UPRT: variants seen among roughly 807,000 people sequenced by gnomAD.
UPRT encodes the protein RP11-311P8.3.
In UPRT, 5 loss-of-function variants were observed where a neutral mutation model predicts 22.6. The ratio of observed to expected loss-of-function variants is 0.22; its 90% CI spans 0.12 to 0.47. UPRT has a LOEUF of 0.47. Ranked by LOEUF, UPRT falls within the 20% of genes least tolerant of loss-of-function variation. The pLI, the probability that UPRT is intolerant of heterozygous loss-of-function variation, is 0.99. For missense variants in UPRT, 181 were observed against 239.9 expected, an observed-to-expected ratio of 0.75 and a Z score of 1.62; for synonymous variants, 77 against 87.7, an observed-to-expected ratio of 0.88 and a Z score of 0.68.
intron 4 of UPRT, among the ~76,000 whole-genome samples, chrX:75,235,780 T>C (rs1285338832): frequency 5.4e-5 from 6 of 111,748 alleles, no homozygotes; most frequent in Non-Finnish European, 1.1e-4. Context: ...ATAAATTAGG[T>C]ATTGCTGGGA....
intron 1 of UPRT, among the ~76,000 whole-genome samples, chrX:75,282,280 G>T (rs914118372): frequency 2.8e-4 from 31 of 108,846 alleles, no homozygotes; most frequent in African/African-American, 1.0e-3. Flanking sequence ...TCTGATCTTG[G>T]TTATTTCCTT....
chrX:75,270,015 G>A (rs1602483876), upstream of UPRT, among the ~76,000 whole-genome samples: 1 of 111,234 alleles, frequency 9.0e-6, no homozygotes, highest in East Asian at 2.8e-4. Flanking sequence ...ATCTGACAAA[G>A]GGCTAATATC....
In UPRT at chrX:75,183,937, G is replaced by T. The variant is rs1170377707; in HGVS notation, c.-447+16058G>T. ...TCTGGATATTAGCCCTTTGTCAGAT[G>T]AGTAGGTTGCGAAAACTTTCTCCCA... On this transcript the variant is annotated intron_variant, in intron 4 of 13. Coordinates refer to the UPRT transcript ENST00000652605. 2.7e-5 allele frequency among the ~76,000 whole-genome samples: 3 copies of T among 112,058 alleles called. No homozygotes were observed. In the East Asian group the frequency reaches 8.4e-4, roughly 31 times the overall value.
chrX:75,157,858 C>G (rs2082187309), intron 1 of UPRT, among the ~76,000 whole-genome samples: 1 of 112,000 alleles, frequency 8.9e-6, no homozygotes, highest in African/African-American at 3.2e-5. Flanking sequence ...GACAGTAGAT[C>G]AGTAATGGCT....
At chrX:75,191,050 C>T (rs113776754) in intron 4 of UPRT, among the ~76,000 whole-genome samples, 1 of 111,607 alleles carries the variant, frequency 9.0e-6, no homozygotes, top group South Asian at 3.8e-4. Flanking sequence ...GGGGAGAAGT[C>T]CTCTGATTTT....
intron 4 of UPRT, among the ~76,000 whole-genome samples, chrX:75,260,522 G>C (rs1403502981): frequency 8.9e-6 from 1 of 112,431 alleles, no homozygotes; most frequent in Non-Finnish European, 1.9e-5. Context: ...TTACAAAATG[G>C]TAAGTGGATC....
intron 4 of UPRT, among the ~76,000 whole-genome samples, chrX:75,203,051 C>T (rs1000718574): frequency 9.0e-6 from 1 of 111,497 alleles, no homozygotes; most frequent in Non-Finnish European, 1.9e-5. Context: ...ATTCAAGAGA[C>T]CCATCTCACA....
chrX:75,213,680 T>C (rs2082385349), intron 4 of UPRT, among the ~76,000 whole-genome samples: 1 of 111,413 alleles, frequency 9.0e-6, no homozygotes, highest in Non-Finnish European at 1.9e-5. Context: ...TGGTAGTAGC[T>C]GTATTAATTT....
intron 4 of UPRT, among the ~76,000 whole-genome samples, chrX:75,265,298 C>G (rs1027274848): frequency 1.8e-5 from 2 of 111,765 alleles, no homozygotes; most frequent in Non-Finnish European, 3.8e-5. Flanking sequence ...TCCATTCTCC[C>G]CATCACTTTG....
chrX:75,265,068 T>A (rs969641129), intron 4 of UPRT, among the ~76,000 whole-genome samples: 1 of 112,151 alleles, frequency 8.9e-6, no homozygotes, highest in Admixed American at 9.5e-5. Flanking sequence ...CTGATGGGCT[T>A]CCCTTTGTGG....
intron 3 of UPRT, among the ~76,000 whole-genome samples, chrX:75,297,177 T>C (rs1285771309): frequency 5.4e-5 from 6 of 111,906 alleles, no homozygotes; most frequent in Non-Finnish European, 1.1e-4. Context: ...TATATAGCAT[T>C]CTCAGAGTGC....
At chrX:75,273,569 C>T (rs759661824), upstream of UPRT, among the ~76,000 whole-genome samples, 3 of 111,097 alleles carry the variant, frequency 2.7e-5, no homozygotes, top group Non-Finnish European at 5.7e-5. Context: ...TGAAATGCCG[C>T]CTGAGTCCCC....
chrX:75,178,278 T>G (rs901108992), intron 4 of UPRT, among the ~76,000 whole-genome samples: 7 of 112,127 alleles, frequency 6.2e-5, no homozygotes, highest in African/African-American at 2.3e-4. Flanking sequence ...GCCCAGTTTT[T>G]AGCCCCCGAA....
chrX:75,232,793 C>T (rs1307159128), intron 4 of UPRT, among the ~76,000 whole-genome samples: 18 of 111,760 alleles, frequency 1.6e-4, no homozygotes, highest in Non-Finnish European at 2.4e-4. Context: ...TGTACATCAC[C>T]ATCATCAAAG....
chrX:75,247,798 A>G (rs1490593804), intron 4 of UPRT, among the ~76,000 whole-genome samples: 1 of 112,268 alleles, frequency 8.9e-6, no homozygotes, highest in Non-Finnish European at 1.9e-5. Flanking sequence ...CTGACCCCCG[A>G]GTAGCCTAAC....
intron 4 of UPRT, among the ~76,000 whole-genome samples, chrX:75,226,757 G>A (rs1181102725): frequency 9.1e-6 from 1 of 109,579 alleles, no homozygotes; most frequent in Non-Finnish European, 1.9e-5. Context: ...TTAATGTAAT[G>A]CATGTTTCAC....
chrX:75,160,367 G>A (rs1192835365), intron 1 of UPRT, among the ~76,000 whole-genome samples: 1 of 111,166 alleles, frequency 9.0e-6, no homozygotes, highest in African/African-American at 3.3e-5. Flanking sequence ...TCTCTTACAT[G>A]TTGTCAGTTA....
At chrX:75,198,001 C>A (rs1429474528) in intron 4 of UPRT, among the ~76,000 whole-genome samples, 1 of 112,418 alleles carries the variant, frequency 8.9e-6, no homozygotes, top group East Asian at 2.8e-4. Context: ...AAAGAAATGA[C>A]AACAAAAAAT....
At chrX:75,291,439 G>A (rs990920481) in intron 1 of UPRT, 3 of 321,084 alleles carry the variant, frequency 9.3e-6, no homozygotes, top group African/African-American at 5.4e-5. Flanking sequence ...AAAATGAAGT[G>A]TGTGGAATGA....
Sources: allele counts gnomAD v4.1 joint callset (sites outside exome capture counted in the v4.1 genomes callset), GRCh38; gene constraint gnomAD v4.1.1; transcripts MANE v1.5; gene names NCBI Gene and HGNC (gene_info 2026-07-23, HGNC 2026-07-21).